LRCH3: variants seen among roughly 807,000 people sequenced by gnomAD.
LRCH3 encodes DISP complex protein LRCH3.
In LRCH3, 68 loss-of-function variants were observed where a neutral mutation model predicts 104.5. The observed-to-expected ratio is 0.65, with a 90% confidence interval of 0.54 to 0.80. The LOEUF is 0.80. Ranked by LOEUF, LRCH3 falls within the 30% of genes least tolerant of loss-of-function variation. The pLI is 0.00. For synonymous variants in LRCH3, 344 were observed against 361.3 expected (o/e 0.95, Z 0.54); for missense variants, 951 against 953.9 (o/e 1.00, Z 0.04).
chr3:197,825,666 A>T (rs1279939969), intron 4 of LRCH3, among the ~76,000 whole-genome samples: 2 of 150,920 alleles, frequency 1.3e-5, no homozygotes, highest in African/African-American at 4.9e-5. Context: ...TTTTTAGTAG[A>T]GACGGGGTCT....
chr3:197,841,684 A>G (rs1028033431), intron 10 of LRCH3, among the ~76,000 whole-genome samples: 1 of 152,104 alleles, frequency 6.6e-6, no homozygotes, highest in Non-Finnish European at 1.5e-5. Context: ...CTTTATTTTC[A>G]TGGCACCTTA....
rs184685539 is a variant in LRCH3 at position 197,793,830 on chromosome 3, A to G, written c.262+2290A>G. 3.4e-3 allele frequency among the ~76,000 whole-genome samples: 519 copies of G among 152,314 alleles called. 1 individual carries two copies. Among genetic ancestry groups the G allele is most frequent in the African/African-American group, 0.012 (494 of 41,556 alleles). On this transcript the variant is annotated intron_variant, in intron 1 of 20. Transcript: ENST00000425562. ...TTTTATAAGCTATTAGACTAGATTC[A>G]TTTCTAACATGTAGTAATATCACTT...
Position 197,832,311 on chromosome 3 carries a change from G to A in LRCH3, c.1096G>A (p.Gly366Ser), listed in dbSNP as rs769835438. The A allele has an allele frequency of 4.3e-6, 7 of 1,613,236 alleles. No individual in the cohort carries two copies. The highest frequency in any genetic ancestry group is 2.2e-5 in the East Asian group (1 of 44,866). ...ENRGSLVVTN[G>S]GVEHDLDQID... Reference sequence around the variant, plus strand: ...CCGCGGCAGTTTGGTAGTAACAAACGGCGGAGGTAAACATAATTCCGGTGA... The same window carrying A: ...CCGCGGCAGTTTGGTAGTAACAAACAGCGGAGGTAAACATAATTCCGGTGA... The change falls in exon 8 of 21, where the codon GGC becomes AGC. Residue 366 changes from glycine to serine, a missense_variant. Physicochemically the swap from Gly to Ser is moderately conservative, Grantham distance 56. Coordinates refer to ENST00000425562, the MANE Select transcript of LRCH3 (RefSeq NM_001365715.1).
intron 6 of LRCH3, among the ~76,000 whole-genome samples, 197 bp downstream of exon 6, chr3:197,829,870 C>T (rs964537942): frequency 1.3e-5 from 2 of 152,234 alleles, no homozygotes; most frequent in African/African-American, 4.8e-5. Flanking sequence ...AACCTTGGCA[C>T]TGTTGACATT....
At chr3:197,811,863 G>A (rs1733156844) in intron 1 of LRCH3, among the ~76,000 whole-genome samples, 1 of 152,050 alleles carries the variant, frequency 6.6e-6, no homozygotes, top group South Asian at 2.1e-4. Flanking sequence ...TTGAAATTTT[G>A]TTTCTGTAAT....
intron 1 of LRCH3, among the ~76,000 whole-genome samples, chr3:197,809,652 A>G (rs1361162881): frequency 6.7e-6 from 1 of 150,300 alleles, no homozygotes; most frequent in Non-Finnish European, 1.5e-5. Flanking sequence ...TCTGTCTTGC[A>G]GCTCACTGAT....
chr3:197,875,290 T>G (rs1035779183), intron 19 of LRCH3, among the ~76,000 whole-genome samples: 14 of 152,204 alleles, frequency 9.2e-5, no homozygotes, highest in Non-Finnish European at 4.4e-5. Context: ...TAAAAAAAAG[T>G]TCGCTGACCC....
intron 20 of LRCH3, among the ~76,000 whole-genome samples, chr3:197,880,158 G>A (rs959964796): frequency 2.0e-5 from 3 of 151,574 alleles, no homozygotes; most frequent in Non-Finnish European, 4.4e-5. Flanking sequence ...TGTTAGCCGG[G>A]ATGGTCTCGA....
At position 197,847,590 on chromosome 3, in the gene LRCH3, A is replaced by G. The variant is rs948340782; in HGVS notation, c.1380+130A>G. The G allele has an allele frequency of 4.7e-5, 21 of 444,926 alleles. No homozygotes were observed. In the Middle Eastern group the frequency reaches 2.6e-3, roughly 56 times the overall value. The allele number at this position is 444,926 out of a possible 1,614,324, so 27.6% of individuals were successfully genotyped here. On this transcript the variant is annotated intron_variant, in intron 11 of 20. Transcript: ENST00000425562. Reference sequence around the variant, plus strand: ...ACTAGCTGTCTCAATCGATTAATATAACATATGTACGTGATACTTGCTAAC... The same window carrying G: ...ACTAGCTGTCTCAATCGATTAATATGACATATGTACGTGATACTTGCTAAC...
At chr3:197,799,657 A>G (rs1037553949) in intron 1 of LRCH3, among the ~76,000 whole-genome samples, 4 of 151,442 alleles carry the variant, frequency 2.6e-5, no homozygotes, top group Admixed American at 6.6e-5. Context: ...ACCTGAGATC[A>G]GGAGTTTGAG....
intron 1 of LRCH3, among the ~76,000 whole-genome samples, chr3:197,806,848 G>A (rs1484921518): frequency 1.3e-5 from 2 of 151,210 alleles, no homozygotes; most frequent in East Asian, 2.0e-4. Flanking sequence ...CACTGCATCC[G>A]GCTCCTGAGA....
intron 19 of LRCH3, among the ~76,000 whole-genome samples, chr3:197,874,378 C>T (rs994273234): frequency 2.6e-5 from 4 of 152,346 alleles, no homozygotes; most frequent in African/African-American, 9.6e-5. Context: ...ATCTAGGCCA[C>T]GGGCTCCTTA....
Position 197,847,393 on chromosome 3 carries a change from T to C in LRCH3, c.1329-16T>C, listed in dbSNP as rs1249471524. On this transcript the variant is annotated splice_polypyrimidine_tract_variant and intron_variant, in intron 10 of 20. Transcript: ENST00000425562. Reference sequence around the variant, plus strand: ...ATCAAAGAGTTTTTTTCTTTCTTTTTTCTTTTTTGGGTCAGGGTTCCAGCT... The same window carrying C: ...ATCAAAGAGTTTTTTTCTTTCTTTTCTCTTTTTTGGGTCAGGGTTCCAGCT... The C allele has an allele frequency of 6.4e-7, 1 of 1,570,632 alleles. No individual in the cohort carries two copies.
chr3:197,809,332 G>A (rs1329309507), intron 1 of LRCH3, among the ~76,000 whole-genome samples: 8 of 151,468 alleles, frequency 5.3e-5, no homozygotes, highest in Non-Finnish European at 5.9e-5. Flanking sequence ...TCTGTCTTCC[G>A]TTTTCAGAAG....
chr3:197,860,790 T>A (rs1740785743), intron 15 of LRCH3, among the ~76,000 whole-genome samples: 1 of 152,148 alleles, frequency 6.6e-6, no homozygotes, highest in African/African-American at 2.4e-5. Flanking sequence ...AAATGTACAA[T>A]TAAATTATTG....
chr3:197,799,264 G>C (rs187522718), intron 1 of LRCH3, among the ~76,000 whole-genome samples: 32 of 152,256 alleles, frequency 2.1e-4, no homozygotes, highest in Admixed American at 1.1e-3. Flanking sequence ...CATGTTTCTT[G>C]TTCTTTCCAG....
rs1740322437 is a variant in LRCH3, at chr3:197,856,953, T to TA, written c.1645-1880dup. 6.6e-6 allele frequency among the ~76,000 whole-genome samples: 1 copy of TA among 152,252 alleles called. No homozygotes were observed. The highest frequency in any genetic ancestry group is 2.1e-4 in the South Asian group (1 of 4,830). On this transcript the variant is annotated intron_variant, in intron 14 of 20. Transcript: ENST00000425562. The surrounding 1 kb of genome is among the most constrained non-coding windows in gnomAD (Gnocchi z 4.2). ...AATTTGATTTAAAGACCTTGAAACT[T>TA]ACGATTTGAAATGAAGATTTATAAC... is the stretch of plus-strand genomic sequence containing the variant.
intron 5 of LRCH3, among the ~76,000 whole-genome samples, chr3:197,828,652 C>G (rs1300395064): frequency 1.3e-5 from 2 of 150,238 alleles, no homozygotes; most frequent in Non-Finnish European, 3.0e-5. Flanking sequence ...GCCCCCTTAG[C>G]TCTTTTTAAC....
intron 20 of LRCH3, among the ~76,000 whole-genome samples, chr3:197,876,796 A>G (rs1436577525): frequency 6.6e-6 from 1 of 151,996 alleles, no homozygotes; most frequent in Non-Finnish European, 1.5e-5. Flanking sequence ...CTGTTCCTGT[A>G]GCTTCCATGA....
Sources: allele counts gnomAD v4.1 joint callset (sites outside exome capture counted in the v4.1 genomes callset), GRCh38; gene constraint gnomAD v4.1.1; non-coding constraint Gnocchi (gnomAD v3.1); transcripts MANE v1.5; gene names NCBI Gene and HGNC (gene_info 2026-07-23, HGNC 2026-07-21).